Variants in CATSPERT observed in about 807,000 individuals in gnomAD.
CATSPERT encodes catsper channel auxiliary subunit tau.
chr2:201,507,587 A>G, the CATSPERT span, among the ~76,000 whole-genome samples: 1 of 152,252 alleles, frequency 6.6e-6, no homozygotes, highest in Non-Finnish European at 1.5e-5. Flanking sequence ...AATGTTGTAT[A>G]GTAATGTCAT....
At chr2:201,488,960 C>T in the CATSPERT span, among the ~76,000 whole-genome samples, 1 of 152,114 alleles carries the variant, frequency 6.6e-6, no homozygotes, top group Non-Finnish European at 1.5e-5. Context: ...CATAATTTTC[C>T]TTCACAGCTG....
the CATSPERT span, among the ~76,000 whole-genome samples, chr2:201,563,267 G>C: frequency 1.4e-5 from 2 of 144,912 alleles, no homozygotes; most frequent in Non-Finnish European, 3.1e-5. Flanking sequence ...AGGGGCGGCC[G>C]GGCAGAGGCG....
At chr2:201,605,053 T>TACAC in the CATSPERT span, among the ~76,000 whole-genome samples, 1 of 110,126 alleles carries the variant, frequency 9.1e-6, no homozygotes, top group Non-Finnish European at 1.9e-5. Flanking sequence ...CAAATATATA[T>TACAC]ATACATACAC....
At chr2:201,556,233 G>C in the CATSPERT span, among the ~76,000 whole-genome samples, 2 of 152,184 alleles carry the variant, frequency 1.3e-5, no homozygotes, top group Non-Finnish European at 2.9e-5. Context: ...CTTCAGGCCG[G>C]GTGCAGTGGC....
chr2:201,571,552 T>C, the CATSPERT span, among the ~76,000 whole-genome samples: 1 of 152,202 alleles, frequency 6.6e-6, no homozygotes, highest in Admixed American at 6.5e-5. Flanking sequence ...GTAACATTAC[T>C]ATACCGCAGA....
At chr2:201,521,453 A>G in the CATSPERT span, among the ~76,000 whole-genome samples, 80,110 of 150,604 alleles carry the variant, frequency 0.53, 22,665 homozygotes, top group East Asian at 0.94. Flanking sequence ...GAGAGAGAGA[A>G]AGAGACACAC....
chr2:201,515,012 T>G, the CATSPERT span, among the ~76,000 whole-genome samples: 1 of 152,038 alleles, frequency 6.6e-6, no homozygotes, highest in Non-Finnish European at 1.5e-5. Context: ...AACACACTAT[T>G]ACCATTTGGC....
chr2:201,573,587 C>T, the CATSPERT span, among the ~76,000 whole-genome samples: 3 of 152,180 alleles, frequency 2.0e-5, no homozygotes, highest in African/African-American at 7.2e-5. Context: ...CAGAAATCCA[C>T]ACTGATTTCT....
chr2:201,508,950 C>CACGAGAATTGCCTGAACCTGGGAGGAG, the CATSPERT span, among the ~76,000 whole-genome samples: 3 of 151,162 alleles, frequency 2.0e-5, no homozygotes, highest in African/African-American at 7.4e-5. Flanking sequence ...CATGGGTGTG[C>CACGAGAATTGCCTGAACCTGGGAGGAG]GAAATTTCTT....
At chr2:201,552,871 T>A in the CATSPERT span, 2 of 152,190 alleles carry the variant, frequency 1.3e-5, no homozygotes, top group African/African-American at 4.8e-5. Context: ...GACCCAATAG[T>A]CCTACACTGA....
chr2:201,545,349 A>G, the CATSPERT span, among the ~76,000 whole-genome samples: 1 of 152,048 alleles, frequency 6.6e-6, no homozygotes, highest in Admixed American at 6.6e-5. Context: ...AAAACTTTTT[A>G]AAACTCGTAA....
the CATSPERT span, among the ~76,000 whole-genome samples, chr2:201,592,995 G>T: frequency 6.6e-6 from 1 of 151,930 alleles, no homozygotes; most frequent in Non-Finnish European, 1.5e-5. Flanking sequence ...GTTCTGCTCT[G>T]ATTTTAGTTA....
At chr2:201,604,082 T>C in the CATSPERT span, among the ~76,000 whole-genome samples, 1 of 152,186 alleles carries the variant, frequency 6.6e-6, no homozygotes, top group Admixed American at 6.6e-5. Flanking sequence ...GAAAACAGAA[T>C]AACAGATTTT....
chr2:201,572,403 C>T, the CATSPERT span, among the ~76,000 whole-genome samples: 4 of 152,088 alleles, frequency 2.6e-5, no homozygotes, highest in South Asian at 2.1e-4. Flanking sequence ...TACAGTATCA[C>T]GATAGGTTAA....
At chr2:201,524,931 T>C in the CATSPERT span, among the ~76,000 whole-genome samples, 1 of 152,180 alleles carries the variant, frequency 6.6e-6, no homozygotes, top group Non-Finnish European at 1.5e-5. Flanking sequence ...CCTAAATATA[T>C]ATGCACCCAA....
At chr2:201,551,418 A>G in the CATSPERT span, among the ~76,000 whole-genome samples, 1 of 152,186 alleles carries the variant, frequency 6.6e-6, no homozygotes. Context: ...ATATACACAG[A>G]TTTATTATAA....
chr2:201,581,126 C>T, the CATSPERT span, among the ~76,000 whole-genome samples: 5 of 151,874 alleles, frequency 3.3e-5, no homozygotes, highest in African/African-American at 1.2e-4. Context: ...ATTTAAATAG[C>T]CAGGCACAGT....
the CATSPERT span, among the ~76,000 whole-genome samples, chr2:201,529,701 T>C: frequency 1.2e-4 from 19 of 152,140 alleles, no homozygotes; most frequent in African/African-American, 4.6e-4. Context: ...TATGCAATGA[T>C]TTCTTGGATA....
the CATSPERT span, among the ~76,000 whole-genome samples, chr2:201,584,661 T>A: frequency 2.6e-5 from 4 of 151,960 alleles, no homozygotes; most frequent in African/African-American, 7.3e-5. Flanking sequence ...CGCACGCCTG[T>A]AATCCCAGCT....
Sources: allele counts gnomAD v4.1 joint callset (sites outside exome capture counted in the v4.1 genomes callset), GRCh38; gene constraint gnomAD v4.1.1; transcripts MANE v1.5; gene names NCBI Gene and HGNC (gene_info 2026-07-23, HGNC 2026-07-21).